The following NFATC2IP variants were observed in gnomAD, a reference collection of about 807,000 sequenced individuals.
NFATC2IP encodes the protein nuclear factor of activated T cells 2 interacting protein, also known as NFATC2-interacting protein.
Under a neutral mutation model 40.2 loss-of-function variants are expected in NFATC2IP, and 25 were observed. The observed-to-expected ratio is 0.62, with a 90% CI of 0.45 to 0.87. The LOEUF (loss-of-function observed/expected upper bound fraction) is 0.87. NFATC2IP is among the 40% of genes least tolerant of loss of function. The probability of loss-of-function intolerance (pLI) is 0.00; values close to 1 mark genes in which losing one functional copy is unlikely to be tolerated. For synonymous variants in NFATC2IP, 241 were observed against 236.3 expected, an observed-to-expected ratio of 1.02 and a Z score of -0.18; for missense variants, 553 against 555.6, an observed-to-expected ratio of 1.00 and a Z score of 0.05.
intron 7 of NFATC2IP, among the ~76,000 whole-genome samples, chr16:28,962,107 T>C (rs1287207975): frequency 6.6e-6 from 1 of 151,826 alleles, no homozygotes; most frequent in South Asian, 2.1e-4. Flanking sequence ...GGTCTCACTA[T>C]GTTGCCCAGG....
chr16:28,954,994 A>G (rs1465461672), intron 3 of NFATC2IP, among the ~76,000 whole-genome samples: 1 of 152,028 alleles, frequency 6.6e-6, no homozygotes, highest in Non-Finnish European at 1.5e-5. Flanking sequence ...ACCCCGTTTT[A>G]TAGCCTGGGA....
In NFATC2IP at chr16:28,965,325, G is replaced by T. The variant is rs1279659854; in HGVS notation, c.*1462G>T. ...ATGCATATTTGGGCTGGGTATGGAG[G>T]TTCACTGGTAATCCCAGCACTTTGG... On this transcript the variant is annotated 3_prime_UTR_variant, in exon 8 of 8. Coordinates refer to ENST00000320805, the MANE Select transcript of NFATC2IP (RefSeq NM_032815.4). 2.0e-5 allele frequency: 3 copies of T among 152,082 alleles called. No homozygotes were observed. The highest frequency in any genetic ancestry group is 1.9e-4 in the East Asian group (1 of 5,194). The allele number at this position is 152,082 out of a possible 1,614,324, so 9.4% of individuals were successfully genotyped here.
Position 28,951,324 on chromosome 16 carries a change from G to A in NFATC2IP, c.313G>A (p.Glu105Lys). The change falls in exon 1 of 8, where the codon GAG becomes AAG. Residue 105 changes from glutamate (E) to lysine (K), a missense_variant. Transcript: ENST00000320805. ...CAGGCGGCCCGCAGGACCCCCGCGG[G>A]AGCCGGTCAGGCGGCGGCGGCGGCT... Reference protein sequence around the residue: ...EDRRPAGPPREPVRRRRRLVL... With the variant: ...EDRRPAGPPRKPVRRRRRLVL... The A allele has an allele frequency of 2.8e-6, 4 of 1,408,910 alleles. No homozygotes were observed. The highest frequency in any genetic ancestry group is 1.6e-5 in the South Asian group (1 of 63,434). The allele number at this position is 1,408,910 out of a possible 1,614,324, so 87.3% of individuals were successfully genotyped here. A position where few individuals can be genotyped will look rare whatever the true frequency, so the allele number is the denominator to read the frequency against.
chr16:28,954,597 C>G lies in NFATC2IP; in HGVS notation c.493C>G (p.His165Asp). Residue 165 changes from histidine (H) to aspartate (D), a missense_variant, in exon 3 of 8, where the codon CAT becomes GAT. His to Asp is a moderately conservative substitution (Grantham distance 81, BLOSUM62 -1). Coordinates refer to ENST00000320805, the MANE Select transcript of NFATC2IP (RefSeq NM_032815.4). ...AELADSSGLY[H>D]EGSPSPGSPW... ...GCTGGCAGATTCGAGTGGTCTCTAC[C>G]ATGAGGGCTCCCCATCACCAGGCTC... The G allele has an allele frequency of 6.2e-7, 1 of 1,613,946 alleles. No homozygotes were observed. The highest frequency in any genetic ancestry group is 8.5e-7 in the Non-Finnish European group (1 of 1,179,866).
chr16:28,951,020 G>A lies in NFATC2IP; in HGVS notation c.9G>A (p.Glu3=), dbSNP rs200006563. The A allele has an allele frequency of 3.9e-4, 597 of 1,521,734 alleles. 2 individuals carry two copies. The African/African-American group carries it at 5.5e-3, about 14-fold the overall frequency. 94.3% of individuals were successfully genotyped at this position (1,521,734 alleles called of 1,614,324 possible). ...GTGGAGGAAAGTGTGCCATGGCGGA[G>A]CCTGTGGGGAAGCGGGGCCGCTGGT... is the stretch of plus-strand genomic sequence containing the variant. MA[E]PVGKRGRWSG... is the part of the protein sequence containing the mutation. The change falls in exon 1 of 8, where the codon GAG becomes GAA. Residue 3 remains glutamate (E), a synonymous_variant. Transcript: ENST00000320805.
At chr16:28,954,453 C>T (rs950539795) in intron 2 of NFATC2IP, 112 bp from the exon 3 acceptor site, 17 of 664,500 alleles carry the variant, frequency 2.6e-5, no homozygotes, top group East Asian at 1.2e-4. Context: ...CCAGGGGCTC[C>T]GTGGTCTCCT....
chr16:28,959,031 G>C lies in NFATC2IP; in HGVS notation c.1032G>C (p.Thr344=). 6 of 1,614,030 alleles carry C rather than the reference G, an allele frequency of 3.7e-6. No homozygotes were observed. The highest frequency in any genetic ancestry group is 5.1e-6 in the Non-Finnish European group (6 of 1,179,936). Reference sequence around the variant, plus strand: ...CAAGTTCTCCAGAGGCCACAGAGACGTCCCAACAGCTCCAGCTCCGGGTGC... The same window carrying C: ...CAAGTTCTCCAGAGGCCACAGAGACCTCCCAACAGCTCCAGCTCCGGGTGC... ...VLTSSPEATE[T]SQQLQLRVQG... is the part of the protein sequence containing the mutation. Residue 344 remains threonine, a synonymous_variant, in exon 7 of 8, where the codon ACG becomes ACC. Transcript: ENST00000320805.
In NFATC2IP at chr16:28,951,412, C is replaced by T. The variant is rs551332872; in HGVS notation, c.387+14C>T. ...TACTCGGGGAAGGTGCGCCCGGTCC[C>T]GGGGAGGGGACCGGCGGAAGGGCCA... On this transcript the variant is annotated intron_variant, in intron 1 of 7. Transcript: ENST00000320805. The T allele has an allele frequency of 4.3e-5, 59 of 1,370,530 alleles. No homozygotes were observed. The highest frequency in any genetic ancestry group is 7.7e-5 in the African/African-American group (5 of 64,952). The allele number at this position is 1,370,530 out of a possible 1,614,324, so 84.9% of individuals were successfully genotyped here.
At chr16:28,958,649 G>T in intron 5 of NFATC2IP, 68 bp from the exon 6 acceptor site, 1 of 1,340,654 alleles carries the variant, frequency 7.5e-7, no homozygotes, top group Admixed American at 2.0e-5. Context: ...CTTGTGTTTG[G>T]GTGGTGTGGC....
In NFATC2IP at chr16:28,960,326, C is replaced by A. The variant is rs556463508; in HGVS notation, c.1101+1226C>A. Among the ~76,000 whole-genome samples, 6 of 152,292 alleles carry A rather than the reference C, an allele frequency of 3.9e-5. No individual in the cohort carries two copies. The South Asian group carries it at 1.2e-3, about 32-fold the overall frequency. ...ACAGTTCAACCCTTAACACACTGTT[C>A]TCTAGCCCCCACCAAATTCATGGCC... On this transcript the variant is annotated intron_variant, in intron 7 of 7. Transcript: ENST00000320805.
At chr16:28,958,890 T>G in intron 6 of NFATC2IP, 29 bp downstream of exon 6, 1 of 1,612,562 alleles carries the variant, frequency 6.2e-7, no homozygotes, top group Non-Finnish European at 8.5e-7. Flanking sequence ...GGTGGGGCCT[T>G]GAGGCATTTG....
chr16:28,951,153 G>A lies in NFATC2IP; in HGVS notation c.142G>A (p.Val48Met), dbSNP rs766415125. ...PSRGTLDVVSVDLVTDSDEEI... is the reference protein window; with the variant it reads ...PSRGTLDVVSMDLVTDSDEEI... ...CCGGGGCACGCTGGACGTAGTGTCTGTGGACTTGGTCACCGACAGCGATGA... is the reference window on the plus strand; with the variant it reads ...CCGGGGCACGCTGGACGTAGTGTCTATGGACTTGGTCACCGACAGCGATGA... Residue 48 changes from valine (V) to methionine (M), a missense_variant, in exon 1 of 8, where the codon GTG (valine) becomes ATG (methionine). Physicochemically the swap from Val to Met is conservative, Grantham distance 21. Transcript: ENST00000320805. 152 of 1,546,252 alleles carry A rather than the reference G, an allele frequency of 9.8e-5. No homozygotes were observed. The highest frequency in any genetic ancestry group is 1.2e-4 in the Non-Finnish European group (140 of 1,144,674).
At chr16:28,957,406 G>A (rs991006489) in intron 5 of NFATC2IP, among the ~76,000 whole-genome samples, 4 of 151,912 alleles carry the variant, frequency 2.6e-5, no homozygotes, top group African/African-American at 9.7e-5. Context: ...ACTTTGGGAG[G>A]CCAAGGTGAG....
At position 28,958,703 on chromosome 16, in the gene NFATC2IP, G is replaced by T; in HGVS notation, c.847-14G>T. ...GGCAGGAAGACCTCTTTTGCTTGTT[G>T]TCCCCATCCCTAGTCGGAGCCCCTG... is the stretch of plus-strand genomic sequence containing the variant. On this transcript the variant is annotated splice_polypyrimidine_tract_variant and intron_variant, in intron 5 of 7. Coordinates refer to ENST00000320805, the MANE Select transcript of NFATC2IP (RefSeq NM_032815.4). 1 of 1,599,974 alleles carries T rather than the reference G, an allele frequency of 6.3e-7. No individual in the cohort carries two copies. The highest frequency in any genetic ancestry group is 8.5e-7 in the Non-Finnish European group (1 of 1,173,318).
At chr16:28,962,146 TCCTC>T (rs1157810833) in intron 7 of NFATC2IP, among the ~76,000 whole-genome samples, 1 of 152,112 alleles carries the variant, frequency 6.6e-6, no homozygotes, top group Non-Finnish European at 1.5e-5. Flanking sequence ...GCTCAACTGA[TCCTC>T]CCACCTCTGC....
intron 3 of NFATC2IP, among the ~76,000 whole-genome samples, chr16:28,955,462 C>A (rs1435220647): frequency 6.6e-6 from 1 of 152,092 alleles, no homozygotes; most frequent in African/African-American, 2.4e-5. Context: ...GTGACAGTCT[C>A]AAAAATGAGG....
chr16:28,956,387 A>G (rs917189696), intron 5 of NFATC2IP, 50 bp downstream of exon 5: 1 of 1,454,636 alleles, frequency 6.9e-7, no homozygotes, highest in Non-Finnish European at 9.5e-7. Flanking sequence ...GCTTCTGGAG[A>G]GATGGTGGTG....
In NFATC2IP at chr16:28,958,849, G is replaced by T; in HGVS notation, c.979G>T (p.Ala327Ser). ...ATPRTLKLGV[A>S]DIIDCVVLTS... Reference sequence around the variant, plus strand: ...TCCCAGGACCCTAAAGCTCGGAGTGGCTGACATCATTGGTGAGAGGAAGGC... The same window carrying T: ...TCCCAGGACCCTAAAGCTCGGAGTGTCTGACATCATTGGTGAGAGGAAGGC... Residue 327 changes from alanine to serine, a missense_variant, in exon 6 of 8, where the codon GCT (alanine) becomes TCT (serine). Transcript: ENST00000320805. 2.5e-6 allele frequency: 4 copies of T among 1,613,938 alleles called. No homozygotes were observed. Among genetic ancestry groups the T allele is most frequent in the Non-Finnish European group, 3.4e-6 (4 of 1,179,920 alleles).
At position 28,954,588 on chromosome 16, in the gene NFATC2IP, G is replaced by C; in HGVS notation, c.484G>C (p.Gly162Arg). Residue 162 changes from glycine (G) to arginine (R), a missense_variant, in exon 3 of 8, where the codon GGT (glycine) becomes CGT (arginine). Coordinates refer to ENST00000320805, the MANE Select transcript of NFATC2IP (RefSeq NM_032815.4). ...EEEAELADSS[G>R]LYHEGSPSPG... Reference sequence around the variant, plus strand: ...AGAGGCAGAGCTGGCAGATTCGAGTGGTCTCTACCATGAGGGCTCCCCATC... The same window carrying C: ...AGAGGCAGAGCTGGCAGATTCGAGTCGTCTCTACCATGAGGGCTCCCCATC... 6.2e-7 allele frequency: 1 copy of C among 1,613,304 alleles called. No homozygotes were observed. Among genetic ancestry groups the C allele is most frequent in the Non-Finnish European group, 8.5e-7 (1 of 1,179,356 alleles).
Sources: allele counts gnomAD v4.1 joint callset (sites outside exome capture counted in the v4.1 genomes callset), GRCh38; gene constraint gnomAD v4.1.1; transcripts MANE v1.5; gene names NCBI Gene and HGNC (gene_info 2026-07-23, HGNC 2026-07-21).